The following RBFOX1 variants were observed in gnomAD, a reference collection of about 807,000 sequenced individuals.
RBFOX1 encodes the protein RNA binding protein fox-1 homolog 1.
Under a neutral mutation model 57.7 loss-of-function variants are expected in RBFOX1, and 8 were observed. That is an observed-to-expected ratio of 0.14 (90% CI 0.08 to 0.25). The LOEUF (loss-of-function observed/expected upper bound fraction) is 0.25. Ranked by LOEUF, RBFOX1 falls within the 10% of genes least tolerant of loss-of-function variation. RBFOX1 has a pLI of 1.00. For synonymous variants in RBFOX1, 326 were observed against 222.4 expected, an observed-to-expected ratio of 1.47 and a Z score of -4.15; for missense variants, 611 against 548.5, an observed-to-expected ratio of 1.11 and a Z score of -1.14.
At chr16:7,399,422 G>C (rs1217662842) in intron 4 of RBFOX1, among the ~76,000 whole-genome samples, 1 of 152,088 alleles carries the variant, frequency 6.6e-6, no homozygotes, top group Non-Finnish European at 1.5e-5. Context: ...ACTCCAGCCT[G>C]GGTAACAAGA....
chr16:5,894,566 T>A (rs900998262), intron 4 of RBFOX1, among the ~76,000 whole-genome samples: 1 of 151,712 alleles, frequency 6.6e-6, no homozygotes, highest in Non-Finnish European at 1.5e-5. Flanking sequence ...TGAGCCACCA[T>A]GCCCTGTTAC....
At chr16:7,441,202 C>T (rs138669722) in intron 4 of RBFOX1, among the ~76,000 whole-genome samples, 19 of 152,256 alleles carry the variant, frequency 1.2e-4, no homozygotes, top group African/African-American at 3.6e-4. Context: ...ATGCTGCATG[C>T]GCATGACTTG....
chr16:6,981,001 C>G (rs2088637193), intron 3 of RBFOX1, among the ~76,000 whole-genome samples: 2 of 135,874 alleles, frequency 1.5e-5, no homozygotes, highest in South Asian at 4.6e-4. Flanking sequence ...CGAGATCACG[C>G]CACTGCACTC....
At position 6,809,866 on chromosome 16, in the gene RBFOX1, C is replaced by A. The variant is rs146341269; in HGVS notation, c.-16+155216C>A. Among the ~76,000 whole-genome samples the A allele has an allele frequency of 6.0e-3, 908 of 152,162 alleles. 12 individuals are homozygous for A. The highest frequency in any genetic ancestry group is 0.02 in the African/African-American group (821 of 41,524). ...CAAGTGTAATTCACCAGTCCGGTGC[C>A]TTTCTGGAAGTTATGAAATTGGAGA... On this transcript the variant is annotated intron_variant, in intron 3 of 15. Transcript: ENST00000550418.
At chr16:5,697,576 C>G (rs1287594064) in intron 3 of RBFOX1, among the ~76,000 whole-genome samples, 3 of 149,852 alleles carry the variant, frequency 2.0e-5, no homozygotes, top group Non-Finnish European at 3.0e-5. Context: ...CTCTGTCACC[C>G]AGGCTGGAGT....
chr16:7,526,019 T>C (rs2078624036), intron 5 of RBFOX1, among the ~76,000 whole-genome samples: 1 of 151,918 alleles, frequency 6.6e-6, no homozygotes. Context: ...CAGCAAAAGG[T>C]GAGTGGTGGA....
intron 3 of RBFOX1, among the ~76,000 whole-genome samples, chr16:6,762,107 T>C (rs1046594194): frequency 1.3e-5 from 2 of 152,184 alleles, no homozygotes; most frequent in Non-Finnish European, 2.9e-5. Flanking sequence ...TTGAGTTACC[T>C]TGGGAAATTA....
intron 3 of RBFOX1, among the ~76,000 whole-genome samples, chr16:5,651,707 A>G (rs1037435095): frequency 6.6e-6 from 1 of 152,120 alleles, no homozygotes; most frequent in East Asian, 1.9e-4. Flanking sequence ...ATGGATACCC[A>G]TCCCTGCCTG....
intron 3 of RBFOX1, among the ~76,000 whole-genome samples, chr16:6,781,608 A>G (rs2081035406): frequency 6.6e-6 from 1 of 152,042 alleles, no homozygotes; most frequent in Non-Finnish European, 1.5e-5. Context: ...AGCATTACTT[A>G]TTGATTTATC....
intron 3 of RBFOX1, among the ~76,000 whole-genome samples, chr16:6,722,956 A>G (rs2066330323): frequency 6.6e-6 from 1 of 152,190 alleles, no homozygotes; most frequent in Non-Finnish European, 1.5e-5. Flanking sequence ...TAGGCAAGTC[A>G]GGAGTTCTGC....
chr16:5,284,499 A>G (rs555623238), intron 1 of RBFOX1, among the ~76,000 whole-genome samples: 77 of 151,396 alleles, frequency 5.1e-4, no homozygotes, highest in African/African-American at 1.9e-3. Context: ...CAAACAAGAC[A>G]CAAACAAACA....
At chr16:6,951,350 C>G (rs1213836430) in intron 3 of RBFOX1, among the ~76,000 whole-genome samples, 1 of 152,128 alleles carries the variant, frequency 6.6e-6, no homozygotes, top group African/African-American at 2.4e-5. Context: ...GGTATTCTGG[C>G]TAACTCTTTC....
intron 3 of RBFOX1, among the ~76,000 whole-genome samples, chr16:6,846,304 G>A (rs564289298): frequency 6.6e-6 from 1 of 152,198 alleles, no homozygotes; most frequent in South Asian, 2.1e-4. Context: ...AAGAAACATG[G>A]ACACATCACA....
intron 5 of RBFOX1, among the ~76,000 whole-genome samples, chr16:7,528,226 A>G (rs760132511): frequency 3.9e-5 from 6 of 152,230 alleles, no homozygotes; most frequent in African/African-American, 4.8e-5. Context: ...TATTAGAGCC[A>G]TCTGACAAGT....
intron 4 of RBFOX1, among the ~76,000 whole-genome samples, chr16:7,294,276 A>G (rs1204519258): frequency 6.6e-6 from 1 of 152,048 alleles, no homozygotes; most frequent in Non-Finnish European, 1.5e-5. Context: ...TGCACTGGAA[A>G]CAGACTCCCA....
intron 1 of RBFOX1, among the ~76,000 whole-genome samples, chr16:5,264,496 C>G (rs3965828): frequency 1 from 152,359 of 152,366 alleles, 76,176 homozygotes; most frequent in Non-Finnish European, 1. Context: ...TCACAGAAAT[C>G]TGCCCATTGG....
intron 2 of RBFOX1, among the ~76,000 whole-genome samples, chr16:5,493,427 G>T (rs954820110): frequency 3.9e-5 from 6 of 152,054 alleles, no homozygotes; most frequent in African/African-American, 1.4e-4. Flanking sequence ...TGTGAAAAAG[G>T]CCTACCTGAG....
intron 4 of RBFOX1, among the ~76,000 whole-genome samples, chr16:7,337,450 G>C (rs2096811448): frequency 6.6e-6 from 1 of 152,136 alleles, no homozygotes; most frequent in Non-Finnish European, 1.5e-5. Flanking sequence ...CATGGAGTTG[G>C]CTTGTGATAC....
chr16:6,539,240 G>A (rs901331431), intron 2 of RBFOX1, among the ~76,000 whole-genome samples: 1 of 152,106 alleles, frequency 6.6e-6, no homozygotes, highest in Admixed American at 6.5e-5. Flanking sequence ...CCCTAATTAT[G>A]CCACTTGGTA....
Sources: gnomAD v4.1 joint callset for allele counts (sites outside exome capture counted in the v4.1 genomes callset) on GRCh38, gnomAD v4.1.1 for gene constraint, MANE v1.5 for transcripts, NCBI Gene and HGNC (gene_info 2026-07-23, HGNC 2026-07-21) for gene names.